The following MME variants were observed in gnomAD, a reference collection of about 807,000 sequenced individuals.
The protein encoded by MME is neprilysin.
A neutral mutation model predicts 113.2 loss-of-function variants in MME; 98 were observed. The observed-to-expected ratio is 0.87, with a 90% CI of 0.74 to 1.02. MME has a LOEUF of 1.02. MME is among the 50% of genes least tolerant of loss of function. MME has a pLI of 0.00. For synonymous variants in MME, 292 were observed against 300.6 expected (o/e 0.97, Z 0.30); for missense variants, 836 against 896.0 (o/e 0.93, Z 0.86).
intron 8 of MME, among the ~76,000 whole-genome samples, chr3:155,124,474 C>T (rs1460653075): frequency 6.6e-6 from 1 of 152,150 alleles, no homozygotes; most frequent in Admixed American, 6.5e-5. Context: ...AACTGCGTTC[C>T]TTTGGAGGAG....
At chr3:155,029,177 C>T (rs1295550926) in intron 1 of MME, among the ~76,000 whole-genome samples, 1 of 152,068 alleles carries the variant, frequency 6.6e-6, no homozygotes, top group Admixed American at 6.6e-5. Context: ...CTTGTTAATA[C>T]TACACAAAAA....
chr3:155,028,437 A>AAGGCAGG (rs559374197), intron 1 of MME, among the ~76,000 whole-genome samples: 18 of 152,168 alleles, frequency 1.2e-4, no homozygotes, highest in Non-Finnish European at 2.4e-4. Flanking sequence ...GAGTGAGGAA[A>AAGGCAGG]AGGCAGGAGG....
At chr3:155,098,251 G>A (rs148176881) in intron 3 of MME, among the ~76,000 whole-genome samples, 5 of 152,132 alleles carry the variant, frequency 3.3e-5, no homozygotes, top group African/African-American at 1.2e-4. Context: ...TAAAAGAAAA[G>A]TAAAGTAAAA....
chr3:155,107,237 C>T (rs532525955), intron 3 of MME, among the ~76,000 whole-genome samples: 2 of 151,746 alleles, frequency 1.3e-5, no homozygotes, highest in South Asian at 4.2e-4. Flanking sequence ...CCTGTAATCC[C>T]AGCTACTTGG....
intron 12 of MME, among the ~76,000 whole-genome samples, chr3:155,142,921 T>C (rs1349891477): frequency 6.6e-6 from 1 of 152,148 alleles, no homozygotes; most frequent in Non-Finnish European, 1.5e-5. Flanking sequence ...AATTTCTAGT[T>C]TTTATCCTTA....
At chr3:155,071,225 A>T (rs1460462345) in intron 1 of MME, among the ~76,000 whole-genome samples, 1 of 152,162 alleles carries the variant, frequency 6.6e-6, no homozygotes, top group Non-Finnish European at 1.5e-5. Flanking sequence ...GAAACACATA[A>T]TCATCTGGGA....
At chr3:155,055,217 A>G (rs1713885057) in intron 1 of MME, among the ~76,000 whole-genome samples, 1 of 152,246 alleles carries the variant, frequency 6.6e-6, no homozygotes, top group African/African-American at 2.4e-5. Context: ...GAATACATAC[A>G]GTAGTAAGAG....
chr3:155,138,920 A>G (rs527296008), intron 9 of MME, among the ~76,000 whole-genome samples: 20 of 152,190 alleles, frequency 1.3e-4, no homozygotes, highest in African/African-American at 4.8e-4. Context: ...CCATCGTCAG[A>G]GTCAGTCTAG....
intron 8 of MME, among the ~76,000 whole-genome samples, chr3:155,135,627 T>C (rs766067622): frequency 1.8e-4 from 28 of 152,290 alleles, no homozygotes; most frequent in South Asian, 6.2e-4. Context: ...GGCTCTTTTT[T>C]GGTTTTATAT....
intron 8 of MME, among the ~76,000 whole-genome samples, chr3:155,129,238 A>G (rs1275109869): frequency 6.6e-6 from 1 of 152,134 alleles, no homozygotes; most frequent in African/African-American, 2.4e-5. Context: ...TATGCCTCAG[A>G]GGCTGAGGAT....
At chr3:155,063,256 TATA>T (rs1203772692) in intron 1 of MME, among the ~76,000 whole-genome samples, 9 of 105,554 alleles carry the variant, frequency 8.5e-5, no homozygotes, top group East Asian at 2.4e-4. Flanking sequence ...ATAATATACA[TATA>T]ATGTATATTA....
Position 155,063,691 on chromosome 3 carries a change from T to TATTAG in MME, c.-10-20463_-10-20462insGATTA, listed in dbSNP as rs1404534242. Among the ~76,000 whole-genome samples the TATTAG allele has an allele frequency of 5.7e-4, 76 of 134,486 alleles. 3 individuals carry two copies. The South Asian group carries it at 0.016, about 29-fold the overall frequency. The allele number at this position is 134,486 out of a possible 152,430, so 88.2% of individuals were successfully genotyped here. Reference sequence around the variant, plus strand: ...TTATATATTATATTATATTATATTATATTATATTATATTATATTATATTAT... The same window carrying TATTAG: ...TTATATATTATATTATATTATATTATATTAGATTATATTATATTATATTATATTAT... On this transcript the variant is annotated intron_variant, in intron 1 of 22. Coordinates refer to the MME transcript ENST00000492661.
intron 1 of MME, among the ~76,000 whole-genome samples, chr3:155,044,700 T>C (rs1053300599): frequency 2.6e-5 from 4 of 152,174 alleles, no homozygotes; most frequent in Admixed American, 6.5e-5. Flanking sequence ...AGTTTCATTA[T>C]GCTGGATTTT....
intron 1 of MME, 165 bp from the exon 2 acceptor site, chr3:155,083,993 T>C (rs1307213147): frequency 4.7e-6 from 3 of 635,160 alleles, no homozygotes; most frequent in Middle Eastern, 4.4e-4. Context: ...CATTTGGCTC[T>C]ATATACTTTG....
chr3:155,148,453 A>G (rs971490690), intron 15 of MME, 97 bp from the exon 16 acceptor site: 1 of 795,470 alleles, frequency 1.3e-6, no homozygotes, highest in Non-Finnish European at 2.1e-6. Context: ...TTTTAACTTT[A>G]TTGACTGATA....
chr3:155,135,001 G>T (rs1382762130), intron 8 of MME, among the ~76,000 whole-genome samples: 3 of 151,890 alleles, frequency 2.0e-5, no homozygotes, highest in African/African-American at 7.2e-5. Context: ...TTTGCTTGTT[G>T]AATTGTTTAA....
At chr3:155,168,937 G>A in intron 20 of MME, 140 bp downstream of exon 20, 1 of 707,526 alleles carries the variant, frequency 1.4e-6, no homozygotes. Context: ...AATATGAGAA[G>A]AAAGAGTGGT....
At chr3:155,071,705 A>G (rs1174791747) in intron 1 of MME, among the ~76,000 whole-genome samples, 2 of 152,158 alleles carry the variant, frequency 1.3e-5, no homozygotes, top group African/African-American at 4.8e-5. Flanking sequence ...CCCTATCTCA[A>G]TGAAGTGACA....
intron 3 of MME, among the ~76,000 whole-genome samples, chr3:155,088,307 G>A (rs1241808033): frequency 1.3e-5 from 2 of 152,040 alleles, no homozygotes; most frequent in Non-Finnish European, 2.9e-5. Context: ...TTGCAAATTA[G>A]GAAAACCCTA....
Sources: allele counts gnomAD v4.1 joint callset (sites outside exome capture counted in the v4.1 genomes callset), GRCh38; gene constraint gnomAD v4.1.1; transcripts MANE v1.5; gene names NCBI Gene and HGNC (gene_info 2026-07-23, HGNC 2026-07-21).